Variants in ST6GAL1 observed in about 807,000 individuals in gnomAD.
The protein encoded by ST6GAL1 is beta-galactoside alpha-2,6-sialyltransferase 1.
In ST6GAL1, 20 loss-of-function variants were observed where a neutral mutation model predicts 38.0. The observed-to-expected ratio is 0.53, with a 90% CI of 0.37 to 0.77. The LOEUF is 0.77. Ranked by LOEUF, ST6GAL1 falls within the 30% of genes least tolerant of loss-of-function variation. The pLI is 0.00. For synonymous variants in ST6GAL1, 196 were observed against 188.2 expected, an observed-to-expected ratio of 1.04 and a Z score of -0.34; for missense variants, 432 against 496.4, an observed-to-expected ratio of 0.87 and a Z score of 1.23.
chr3:187,066,922 C>T (rs1440440493), intron 5 of ST6GAL1, among the ~76,000 whole-genome samples: 3 of 151,938 alleles, frequency 2.0e-5, no homozygotes, highest in Non-Finnish European at 4.4e-5. Flanking sequence ...CTCAGCAGGG[C>T]CTTACAAGGT....
At chr3:186,933,543 A>G (rs931912897) in intron 1 of ST6GAL1, among the ~76,000 whole-genome samples, 1 of 152,194 alleles carries the variant, frequency 6.6e-6, no homozygotes, top group African/African-American at 2.4e-5. Context: ...GAGGACCAAG[A>G]AGAAAAATCC....
intron 2 of ST6GAL1, among the ~76,000 whole-genome samples, chr3:186,995,525 AAT>A (rs1284739755): frequency 5.2e-5 from 7 of 134,564 alleles, no homozygotes; most frequent in East Asian, 2.2e-4. Context: ...ATAATAATAA[AAT>A]AAAAAAAAAA....
Position 187,067,095 on chromosome 3 carries a change from TTTTTTTTTTTTTG to T in ST6GAL1, c.706-5753_706-5741del, listed in dbSNP as rs1342627092. On this transcript the variant is annotated intron_variant, in intron 5 of 7. Coordinates refer to ENST00000169298, the MANE Select transcript of ST6GAL1 (RefSeq NM_173216.2). ...TTTCTTTCTTTCTTTTTTTTTTTTT[TTTTTTTTTTTTTG>T]GAGACAGAGTCTCTGTCACCCAGGC... 2.5e-4 allele frequency among the ~76,000 whole-genome samples: 24 copies of T among 96,772 alleles called. 2 individuals are homozygous for T. The highest frequency in any genetic ancestry group is 8.5e-3 in the Middle Eastern group (2 of 236). 63.5% of individuals were successfully genotyped at this position (96,772 alleles called of 152,430 possible). A position where few individuals can be genotyped will look rare whatever the true frequency, so the allele number is the denominator to read the frequency against.
At chr3:186,966,885 G>C (rs2108528896) in intron 2 of ST6GAL1, among the ~76,000 whole-genome samples, 1 of 152,304 alleles carries the variant, frequency 6.6e-6, no homozygotes, top group Admixed American at 6.5e-5. Context: ...TGCAACTCGG[G>C]AAGAGATTAT....
At chr3:186,933,068 T>C (rs1436233489) in intron 1 of ST6GAL1, among the ~76,000 whole-genome samples, 1 of 152,246 alleles carries the variant, frequency 6.6e-6, no homozygotes, top group Non-Finnish European at 1.5e-5. Context: ...AGCTACGAGT[T>C]AAATCCTCAG....
At chr3:187,072,063 A>G (rs1719400006) in intron 5 of ST6GAL1, 2 of 152,326 alleles carry the variant, frequency 1.3e-5, no homozygotes, top group African/African-American at 4.8e-5. Context: ...CTCTTAATAC[A>G]TTTTGCAGAA....
chr3:187,023,585 G>A (rs1717406011), intron 2 of ST6GAL1, among the ~76,000 whole-genome samples: 1 of 152,148 alleles, frequency 6.6e-6, no homozygotes, highest in Non-Finnish European at 1.5e-5. Flanking sequence ...GTCCTTTGTA[G>A]GGACATGGAT....
Position 187,043,073 on chromosome 3 carries a change from G to A in ST6GAL1, c.370G>A (p.Val124Met), listed in dbSNP as rs1274545122. The A allele has an allele frequency of 6.2e-7, 1 of 1,614,190 alleles. No individual in the cohort carries two copies. Among genetic ancestry groups the A allele is most frequent in the Admixed American group, 1.7e-5 (1 of 60,020 alleles). The change falls in exon 4 of 8, where the codon GTG becomes ATG. Residue 124 changes from valine (V) to methionine (M), a missense_variant. By Grantham distance (21) the Val-to-Met change is conservative (BLOSUM62 1). Transcript: ENST00000169298. ...TTACCTAAGCATGAACAAGTACAAA[G>A]TGTCCTACAAGGGGCCAGGACCAGG... ...KNYLSMNKYK[V>M]SYKGPGPGIK... is the part of the protein sequence containing the mutation.
intron 4 of ST6GAL1, among the ~76,000 whole-genome samples, chr3:187,048,078 G>A (rs990528659): frequency 6.6e-6 from 1 of 151,912 alleles, no homozygotes; most frequent in Non-Finnish European, 1.5e-5. Flanking sequence ...GAGTAGCTGG[G>A]ATTACAGGCG....
intron 1 of ST6GAL1, among the ~76,000 whole-genome samples, chr3:186,947,580 T>C (rs1484141194): frequency 1.3e-5 from 2 of 152,154 alleles, no homozygotes; most frequent in Non-Finnish European, 2.9e-5. Context: ...ATTATTTACA[T>C]TTACCTATAA....
intron 1 of ST6GAL1, among the ~76,000 whole-genome samples, chr3:186,945,675 G>A (rs1193522953): frequency 6.6e-6 from 1 of 152,048 alleles, no homozygotes; most frequent in Non-Finnish European, 1.5e-5. Flanking sequence ...GATGTTAAGT[G>A]CTAACTTTAA....
chr3:187,026,708 AT>A (rs1399373968), intron 2 of ST6GAL1, among the ~76,000 whole-genome samples: 3 of 152,004 alleles, frequency 2.0e-5, no homozygotes, highest in Non-Finnish European at 4.4e-5. Context: ...GAAGAACCAA[AT>A]TTTTTTTCCC....
chr3:186,983,565 A>T (rs540888631), intron 2 of ST6GAL1, among the ~76,000 whole-genome samples: 11 of 152,274 alleles, frequency 7.2e-5, no homozygotes, highest in African/African-American at 2.6e-4. Flanking sequence ...GAGGTGAGAA[A>T]AAAGGGAAGT....
intron 2 of ST6GAL1, among the ~76,000 whole-genome samples, chr3:187,006,755 A>T (rs1716799031): frequency 6.6e-6 from 1 of 152,170 alleles, no homozygotes; most frequent in South Asian, 2.1e-4. Flanking sequence ...GTGCTTCTTG[A>T]TTAAGTTTGA....
chr3:186,972,157 A>C (rs62292613), intron 2 of ST6GAL1, among the ~76,000 whole-genome samples: 12,928 of 152,222 alleles, frequency 0.085, 736 homozygotes, highest in Non-Finnish European at 0.12. Flanking sequence ...GAGAGGTCTC[A>C]TAGCTAGTAA....
Position 186,989,594 on chromosome 3 carries a change from A to G in ST6GAL1, c.-183+25668A>G, listed in dbSNP as rs1209327087. Among the ~76,000 whole-genome samples, 3 of 152,178 alleles carry G rather than the reference A, an allele frequency of 2.0e-5. No individual in the cohort carries two copies. In the East Asian group the frequency reaches 5.8e-4, roughly 29 times the overall value. On this transcript the variant is annotated intron_variant, in intron 2 of 7. Transcript: ENST00000169298. ...CATGAAGCCCTATGCACCATGTTCG[A>G]GGGAACCTGGATAACATTGTTGGCA... is the stretch of plus-strand genomic sequence containing the variant.
chr3:187,066,911 C>T (rs1719166610), intron 5 of ST6GAL1, among the ~76,000 whole-genome samples: 1 of 151,970 alleles, frequency 6.6e-6, no homozygotes, highest in Admixed American at 6.6e-5. Context: ...CAGCTGGTCC[C>T]CTCAGCAGGG....
intron 5 of ST6GAL1, among the ~76,000 whole-genome samples, chr3:187,063,729 T>A (rs1205958649): frequency 6.6e-6 from 1 of 152,150 alleles, no homozygotes; most frequent in African/African-American, 2.4e-5. Flanking sequence ...GATTTGAAAC[T>A]GTATTTAAGG....
At chr3:187,014,590 T>G (rs1274176211) in intron 2 of ST6GAL1, among the ~76,000 whole-genome samples, 1 of 152,226 alleles carries the variant, frequency 6.6e-6, no homozygotes, top group Non-Finnish European at 1.5e-5. Flanking sequence ...CCACATTCTG[T>G]GCTTGGTCAG....
Sources: gnomAD v4.1 joint callset for allele counts (sites outside exome capture counted in the v4.1 genomes callset) on GRCh38, gnomAD v4.1.1 for gene constraint, MANE v1.5 for transcripts, NCBI Gene and HGNC (gene_info 2026-07-23, HGNC 2026-07-21) for gene names.